TTN: variants seen among roughly 807,000 people sequenced by gnomAD.
TTN encodes connectin.
A neutral mutation model predicts 3,223.0 loss-of-function variants in TTN; 1,525 were observed. The ratio of observed to expected loss-of-function variants is 0.47; its 90% confidence interval spans 0.45 to 0.49. The LOEUF is 0.49. Among genes scored for constraint, TTN ranks in the 20% least tolerant of loss-of-function variants. The pLI is 0.00. For synonymous variants in TTN, 14,094 were observed against 15,161.0 expected, an observed-to-expected ratio of 0.93 and a Z score of 5.17; for missense variants, 40,786 against 43,424.0, an observed-to-expected ratio of 0.94 and a Z score of 5.40.
chr2:178,781,074 T>C, intron 21 of TTN, 47 bp downstream of exon 21: 11 of 1,612,958 alleles, frequency 6.8e-6, no homozygotes, highest in Non-Finnish European at 9.3e-6. Context: ...GCTATCTCCT[T>C]GTATTTCAGT....
chr2:178,806,674 T>C (rs554040692), intron 1 of TTN, among the ~76,000 whole-genome samples: 49 of 152,328 alleles, frequency 3.2e-4, no homozygotes, highest in Non-Finnish European at 5.1e-4. Context: ...GCTGAAGGTA[T>C]GCGTCTAAAA....
Position 178,568,056 on chromosome 2 carries a change from G to T in TTN, c.78076C>A (p.His26026Asn). Reference sequence around the variant, plus strand: ...CTGTTTCTTTCTTTTCTCTCCAGGTGGTAACCTATGACGGGGCTTCCACCA... The same window carrying T: ...CTGTTTCTTTCTTTTCTCTCCAGGTTGTAACCTATGACGGGGCTTCCACCA... ...NNGGSPVIGY[H>N]LERKERNSIL... The change falls in exon 326 of 363, where the codon CAC becomes AAC. Residue 26026 changes from histidine to asparagine, a missense_variant. Physicochemically the swap from His to Asn is moderately conservative, Grantham distance 68. Coordinates refer to ENST00000589042, the MANE Select transcript of TTN (RefSeq NM_001267550.2). The T allele has an allele frequency of 6.2e-7, 1 of 1,613,284 alleles. No individual in the cohort carries two copies. Among genetic ancestry groups the T allele is most frequent in the East Asian group, 2.2e-5 (1 of 44,770 alleles).
rs1559410802 is a variant in TTN, at chr2:178,572,186, A to G, written c.73946T>C (p.Leu24649Pro). 2 of 1,613,462 alleles carry G rather than the reference A, an allele frequency of 1.2e-6. No homozygotes were observed. The highest frequency in any genetic ancestry group is 1.7e-6 in the Non-Finnish European group (2 of 1,179,616). Reference protein sequence around the residue: ...KPEHDGGSRILGYIVEMQTKG... With the variant: ...KPEHDGGSRIPGYIVEMQTKG... Reference sequence around the variant, plus strand: ...GGTCTGCATCTCCACAATGTAGCCTAGAATTCGGCTGCCTCCATCATGCTC... The same window carrying G: ...GGTCTGCATCTCCACAATGTAGCCTGGAATTCGGCTGCCTCCATCATGCTC... The change falls in exon 326 of 363, where the codon CTA becomes CCA. Residue 24649 changes from leucine (L) to proline (P), a missense_variant. Physicochemically the swap from Leu to Pro is moderately conservative, Grantham distance 98 (BLOSUM62 -3). Transcript: ENST00000589042.
chr2:178,598,747 C>T lies in TTN; in HGVS notation c.56962+1G>A. The T allele has an allele frequency of 6.2e-7, 1 of 1,610,638 alleles. No individual in the cohort carries two copies. Among genetic ancestry groups the T allele is most frequent in the Admixed American group, 1.7e-5 (1 of 59,140 alleles). ...AAAAAAGGAATGGTTTCCAGGCTTACCAATTGGATCTCTAGCAGTCGCTGG... is the reference window on the plus strand; with the variant it reads ...AAAAAAGGAATGGTTTCCAGGCTTATCAATTGGATCTCTAGCAGTCGCTGG... On this transcript the variant is annotated splice_donor_variant, in intron 291 of 362. Transcript: ENST00000589042. LOFTEE classifies it high-confidence loss of function.
chr2:178,736,884 G>A (rs2081544180), intron 49 of TTN, among the ~76,000 whole-genome samples: 1 of 152,200 alleles, frequency 6.6e-6, no homozygotes, highest in Non-Finnish European at 1.5e-5. Context: ...AAGGATTGTA[G>A]AGAAGAGGAA....
In TTN at chr2:178,546,003, C is replaced by T. The variant is rs377191543; in HGVS notation, c.95233G>A (p.Val31745Met). ...AGCCTGCTAGTCTCGCGTCTTTCCA[C>T]GATGTAGTGAGTGATTTCTGCTCCT... is the stretch of plus-strand genomic sequence containing the variant. Reference protein sequence around the residue: ...DGGAEITHYIVERRETSRLNW... With the variant: ...DGGAEITHYIMERRETSRLNW... The change falls in exon 343 of 363, where the codon GTG becomes ATG. Residue 31745 changes from valine (V) to methionine (M), a missense_variant. By Grantham distance (21) the Val-to-Met change is conservative (BLOSUM62 1). Coordinates refer to ENST00000589042, the MANE Select transcript of TTN (RefSeq NM_001267550.2). The T allele has an allele frequency of 1.8e-5, 29 of 1,613,698 alleles. No homozygotes were observed. Among genetic ancestry groups the T allele is most frequent in the African/African-American group, 8.0e-5 (6 of 74,914 alleles).
chr2:178,693,020 C>T (rs140335800), intron 119 of TTN, among the ~76,000 whole-genome samples: 77 of 151,830 alleles, frequency 5.1e-4, no homozygotes, highest in Middle Eastern at 3.4e-3. Context: ...TGCAGATTTC[C>T]GATTTCCAAG....
At chr2:178,794,234 C>T (rs927715881) in intron 8 of TTN, among the ~76,000 whole-genome samples, 165 bp downstream of exon 8, 3 of 152,192 alleles carry the variant, frequency 2.0e-5, no homozygotes, top group Non-Finnish European at 4.4e-5. Context: ...CATCTCCGAC[C>T]ACCTTTTGCT....
intron 240 of TTN, among the ~76,000 whole-genome samples, chr2:178,628,205 G>GTTGT (rs937077752): frequency 7.9e-5 from 12 of 152,040 alleles, no homozygotes; most frequent in African/African-American, 2.2e-4. Flanking sequence ...TGTTGTTGTT[G>GTTGT]TTGTTTGTTT....
chr2:178,557,100 C>T lies in TTN; in HGVS notation c.88054G>A (p.Val29352Ile). The change falls in exon 330 of 363, where the codon GTC becomes ATC. Residue 29352 changes from valine to isoleucine, a missense_variant. By Grantham distance (29) the Val-to-Ile change is conservative. Coordinates refer to ENST00000589042, the MANE Select transcript of TTN (RefSeq NM_001267550.2). ...GCTGGTTGTTGCCATGAAAGGCTGA[C>T]AGAGTTCTTTGAAATATCAGTGATA... ...VRITDISKNSVSLSWQQPAFD... is the reference protein window; with the variant it reads ...VRITDISKNSISLSWQQPAFD... 1 of 1,613,690 alleles carries T rather than the reference C, an allele frequency of 6.2e-7. No homozygotes were observed. The highest frequency in any genetic ancestry group is 8.5e-7 in the Non-Finnish European group (1 of 1,179,764).
At chr2:178,675,792 A>G in intron 148 of TTN, 38 bp from the exon 149 acceptor site, 5 of 1,515,432 alleles carry the variant, frequency 3.3e-6, no homozygotes, top group Non-Finnish European at 4.4e-6. Context: ...GTTCAGTTTC[A>G]CACACACAAA....
At chr2:178,650,024 G>C in intron 210 of TTN, 130 bp from the exon 211 acceptor site, 3 of 1,293,644 alleles carry the variant, frequency 2.3e-6, no homozygotes, top group Non-Finnish European at 2.2e-6. Flanking sequence ...AAAGTTTTAT[G>C]TGTAGAAATA....
rs749628585 is a variant in TTN, at chr2:178,766,490, C to T, written c.9594G>A (p.Val3198=). 11 of 1,613,944 alleles carry T rather than the reference C, an allele frequency of 6.8e-6. No individual in the cohort carries two copies. Among genetic ancestry groups the T allele is most frequent in the Non-Finnish European group, 9.3e-6 (11 of 1,179,986 alleles). Residue 3198 remains valine, a synonymous_variant, in exon 41 of 363, where the codon GTG becomes GTA. Coordinates refer to ENST00000589042, the MANE Select transcript of TTN (RefSeq NM_001267550.2). ...TAAACATTCGGTGGATTCTTCTTTC[C>T]ACTACATATTTGTGTCGTTCTTGAA... is the stretch of plus-strand genomic sequence containing the variant. ...FQVQERHKYV[V]ERRIHRMFIS...
chr2:178,672,438 C>T lies in TTN; in HGVS notation c.34899G>A (p.Val11633=), dbSNP rs183229256. 1.3e-6 allele frequency: 2 copies of T among 1,597,938 alleles called. No homozygotes were observed. Among genetic ancestry groups the T allele is most frequent in the Admixed American group, 1.8e-5 (1 of 56,380 alleles). Residue 11633 remains valine, a synonymous_variant, in exon 154 of 363, where the codon GTG becomes GTA. Transcript: ENST00000589042. ...CTGGGGGAACAGCTTCCTTTTTAGG[C>T]ACAAGGACTTTCTTTTCTGGGACTT... ...PKKVPEKKVL[V]PKKEAVPPAK...
chr2:178,732,128 T>C lies in TTN; in HGVS notation c.16841A>G (p.Tyr5614Cys), dbSNP rs2080651364. The C allele has an allele frequency of 6.2e-7, 1 of 1,613,658 alleles. No homozygotes were observed. The highest frequency in any genetic ancestry group is 1.3e-5 in the African/African-American group (1 of 74,920). The change falls in exon 57 of 363, where the codon TAT (tyrosine) becomes TGT (cysteine). Residue 5614 changes from tyrosine (Y) to cysteine (C), a missense_variant. Tyr to Cys is a radical substitution (Grantham distance 194). Transcript: ENST00000589042. ...TDVGIEDSGE[Y>C]MCEAQNEAGS... is the part of the protein sequence containing the mutation. ...AGCCTCATTTTGGGCCTCACACATA[T>C]ATTCACCACTGTCTTCGATGCCAAC...
At position 178,800,493 on chromosome 2, in the gene TTN, A is replaced by T. The variant is rs145438758; in HGVS notation, c.485T>A (p.Leu162Gln). Reference sequence around the variant, plus strand: ...GTCCTCAGGGTATGCTTCTGCAATCAGTAAGCTGTAGAGGTCGCCTTCTTG... The same window carrying T: ...GTCCTCAGGGTATGCTTCTGCAATCTGTAAGCTGTAGAGGTCGCCTTCTTG... ...ISQEGDLYSL[L>Q]IAEAYPEDSG... is the part of the protein sequence containing the mutation. Residue 162 changes from leucine (L) to glutamine (Q), a missense_variant, in exon 4 of 363, where the codon CTG (leucine) becomes CAG (glutamine). Leu to Gln is a moderately radical substitution (Grantham distance 113, BLOSUM62 -2). Coordinates refer to ENST00000589042, the MANE Select transcript of TTN (RefSeq NM_001267550.2). The T allele has an allele frequency of 9.3e-6, 15 of 1,614,176 alleles. No individual in the cohort carries two copies. The African/African-American group carries it at 1.3e-4, about 14-fold the overall frequency.
At position 178,576,077 on chromosome 2, in the gene TTN, C is replaced by A; in HGVS notation, c.70055G>T (p.Arg23352Ile). Residue 23352 changes from arginine (R) to isoleucine (I), a missense_variant, in exon 326 of 363, where the codon AGA becomes ATA. Coordinates refer to ENST00000589042, the MANE Select transcript of TTN (RefSeq NM_001267550.2). The surrounding 1 kb of genome is among the most constrained non-coding windows in gnomAD (Gnocchi z 4.3). ...GAGTCCTGCTCTAACAACAAGTGTT[C>A]TTCGAAGCTCGGCATCTAGTTCAAA... The part of the protein sequence containing the change: ...PDFELDAELR[R>I]TLVVRAGLSI... The A allele has an allele frequency of 6.2e-7, 1 of 1,613,490 alleles. No homozygotes were observed.
chr2:178,532,451 T>C lies in TTN; in HGVS notation c.104164A>G (p.Thr34722Ala). 1 of 1,613,976 alleles carries C rather than the reference T, an allele frequency of 6.2e-7. No individual in the cohort carries two copies. The highest frequency in any genetic ancestry group is 8.5e-7 in the Non-Finnish European group (1 of 1,179,860). Residue 34722 changes from threonine to alanine, a missense_variant, in exon 358 of 363, where the codon ACA (threonine) becomes GCA (alanine). Coordinates refer to ENST00000589042, the MANE Select transcript of TTN (RefSeq NM_001267550.2). ...SPQAHVKVEE[T>A]RKDFRYSTYH... is the part of the protein sequence containing the mutation. ...GTTGAATACCTGAAGTCTTTTCTTG[T>C]TTCCTCCACCTTGACATGAGCTTGT...
At chr2:178,759,245 A>C in intron 43 of TTN, 73 bp from the exon 44 acceptor site, 1 of 1,452,132 alleles carries the variant, frequency 6.9e-7, no homozygotes, top group Non-Finnish European at 9.7e-7. Flanking sequence ...TGCAAACACA[A>C]TGTTAATAAT....
Sources: gnomAD v4.1 joint callset for allele counts (sites outside exome capture counted in the v4.1 genomes callset) on GRCh38, gnomAD v4.1.1 for gene constraint, Gnocchi (gnomAD v3.1) non-coding constraint, MANE v1.5 for transcripts, NCBI Gene and HGNC (gene_info 2026-07-23, HGNC 2026-07-21) for gene names.